The following ERC2 variants were observed in gnomAD, a reference collection of about 807,000 sequenced individuals.
ERC2 encodes the protein ERC protein 2.
Under a neutral mutation model 114.8 loss-of-function variants are expected in ERC2, and 42 were observed. That is an observed-to-expected ratio of 0.37 (90% CI 0.29 to 0.47). ERC2 has a LOEUF of 0.47. Ranked by LOEUF, ERC2 falls within the 20% of genes least tolerant of loss-of-function variation. ERC2 has a pLI of 0.99. For missense variants in ERC2, 939 were observed against 1,150.7 expected (o/e 0.82, Z 2.66); for synonymous variants, 454 against 425.5 (o/e 1.07, Z -0.82).
chr3:55,792,432 T>A (rs1351513609), intron 14 of ERC2, among the ~76,000 whole-genome samples: 2 of 152,168 alleles, frequency 1.3e-5, no homozygotes, highest in Non-Finnish European at 2.9e-5. Context: ...ATATATAATT[T>A]TATTGTTGAC....
intron 17 of ERC2, among the ~76,000 whole-genome samples, chr3:55,655,145 T>C (rs2060801729): frequency 6.6e-6 from 1 of 152,160 alleles, no homozygotes; most frequent in African/African-American, 2.4e-5. Context: ...GGTTCCACAC[T>C]AGCCTCCAGC....
rs9881732 is a variant in ERC2 at position 56,101,982 on chromosome 3, T to C, written c.1474-20998A>G. ...AAAAATGGATTTTGATTGGGCTACC[T>C]TTGAGAATTAGACTTTAAATCCAGC... On this transcript the variant is annotated intron_variant, in intron 6 of 17. Transcript: ENST00000288221. 8.1e-3 allele frequency among the ~76,000 whole-genome samples: 1,227 copies of C among 152,338 alleles called. 11 individuals are homozygous for C. The highest frequency in any genetic ancestry group is 0.017 in the Middle Eastern group (5 of 294).
intron 2 of ERC2, among the ~76,000 whole-genome samples, chr3:56,355,063 C>G (rs1008722470): frequency 6.6e-6 from 1 of 152,192 alleles, no homozygotes; most frequent in Non-Finnish European, 1.5e-5. Flanking sequence ...TCCCCTTAAA[C>G]AAAGGCAAGG....
intron 14 of ERC2, among the ~76,000 whole-genome samples, chr3:55,778,921 A>G (rs1255899200): frequency 4.6e-5 from 7 of 152,186 alleles, no homozygotes; most frequent in Non-Finnish European, 1.0e-4. Flanking sequence ...TAAAATGACA[A>G]AAAGGCAAGG....
chr3:55,600,122 T>C (rs1193926356), intron 17 of ERC2, among the ~76,000 whole-genome samples: 1 of 152,104 alleles, frequency 6.6e-6, no homozygotes, highest in Non-Finnish European at 1.5e-5. Flanking sequence ...TCTTGTGAAG[T>C]TATCCCAGAA....
intron 1 of ERC2, 50 bp from the exon 2 acceptor site, chr3:56,435,197 A>C: frequency 1.8e-6 from 1 of 570,626 alleles, no homozygotes. Context: ...TTAGAACTCT[A>C]ACTGCATTGT....
At chr3:55,976,955 A>G (rs959856697) in intron 12 of ERC2, among the ~76,000 whole-genome samples, 1 of 152,192 alleles carries the variant, frequency 6.6e-6, no homozygotes, top group Non-Finnish European at 1.5e-5. Flanking sequence ...CCTTTATAAA[A>G]GAAGTCAAAG....
intron 13 of ERC2, among the ~76,000 whole-genome samples, chr3:55,916,157 A>G (rs1189682419): frequency 6.6e-6 from 1 of 152,166 alleles, no homozygotes; most frequent in African/African-American, 2.4e-5. Flanking sequence ...CGTGGTGAGA[A>G]TATTTCAGTG....
At chr3:56,176,432 T>A (rs1329434058) in intron 3 of ERC2, among the ~76,000 whole-genome samples, 1 of 152,174 alleles carries the variant, frequency 6.6e-6, no homozygotes. Context: ...GCTAAACTTG[T>A]AGCAACAGTT....
At chr3:55,803,522 T>G (rs1363166779) in intron 14 of ERC2, among the ~76,000 whole-genome samples, 1 of 151,858 alleles carries the variant, frequency 6.6e-6, no homozygotes, top group African/African-American at 2.4e-5. Flanking sequence ...ACTATGAGTT[T>G]CTGGTAATTT....
At chr3:56,170,604 T>TTTTTTTTGAGGTG (rs2082603725) in intron 4 of ERC2, among the ~76,000 whole-genome samples, 2 of 133,234 alleles carry the variant, frequency 1.5e-5, no homozygotes, top group Non-Finnish European at 3.2e-5. Context: ...TTTTTTTTTT[T>TTTTTTTTGAGGTG]TTTTTTTTTT....
chr3:55,609,295 T>G (rs894519306), intron 17 of ERC2, among the ~76,000 whole-genome samples: 2 of 152,196 alleles, frequency 1.3e-5, no homozygotes, highest in Non-Finnish European at 2.9e-5. Context: ...TCAGGGGGTG[T>G]GTCCTAAATT....
intron 2 of ERC2, among the ~76,000 whole-genome samples, chr3:56,367,402 T>G (rs571733458): frequency 5.9e-5 from 9 of 152,272 alleles, no homozygotes; most frequent in African/African-American, 2.2e-4. Context: ...GCCTTGTCTT[T>G]TAGTTGCCTC....
intron 17 of ERC2, chr3:55,658,139 G>A (rs1309490065): frequency 1.3e-5 from 2 of 152,166 alleles, no homozygotes; most frequent in East Asian, 3.9e-4. Context: ...TTGGGCACAG[G>A]TGAATTCGGG....
intron 6 of ERC2, among the ~76,000 whole-genome samples, chr3:56,117,685 G>C (rs2220220): frequency 0.31 from 47,059 of 152,078 alleles, 8,405 homozygotes; most frequent in East Asian, 0.66. Flanking sequence ...TCAGTAAGCT[G>C]TTCAAAAGGA....
At chr3:55,864,763 G>A (rs1030462266) in intron 14 of ERC2, among the ~76,000 whole-genome samples, 1 of 151,970 alleles carries the variant, frequency 6.6e-6, no homozygotes, top group Admixed American at 6.6e-5. Flanking sequence ...CACAATCACA[G>A]TCATCATCAT....
intron 14 of ERC2, among the ~76,000 whole-genome samples, chr3:55,809,771 G>T (rs757027698): frequency 8.9e-6 from 1 of 112,472 alleles, no homozygotes; most frequent in Admixed American, 9.9e-5. Context: ...GAGGTTTGTG[G>T]TAAGAAATTA....
intron 4 of ERC2, among the ~76,000 whole-genome samples, chr3:56,155,767 A>G (rs1265305456): frequency 6.6e-6 from 1 of 152,180 alleles, no homozygotes; most frequent in African/African-American, 2.4e-5. Context: ...GTAATAATAC[A>G]TACAAAATCA....
At chr3:56,162,453 G>C (rs1316485688) in intron 4 of ERC2, among the ~76,000 whole-genome samples, 2 of 152,192 alleles carry the variant, frequency 1.3e-5, no homozygotes, top group African/African-American at 4.8e-5. Context: ...AGTAAAACTA[G>C]TACCAGCTCT....
Sources: allele counts gnomAD v4.1 joint callset (sites outside exome capture counted in the v4.1 genomes callset), GRCh38; gene constraint gnomAD v4.1.1; transcripts MANE v1.5; gene names NCBI Gene and HGNC (gene_info 2026-07-23, HGNC 2026-07-21).